ARHGAP8: variants seen among roughly 807,000 people sequenced by gnomAD.
ARHGAP8 encodes the protein rho GTPase-activating protein 8.
A neutral mutation model predicts 46.1 loss-of-function variants in ARHGAP8; 62 were observed. The observed-to-expected ratio is 1.34, with a 90% CI of 1.10 to 1.66. ARHGAP8 has a LOEUF of 1.66. Ranked by LOEUF, ARHGAP8 falls within the 40% of genes most tolerant of loss-of-function variation. ARHGAP8 has a pLI of 0.00. For synonymous variants in ARHGAP8, 375 were observed against 243.1 expected, an observed-to-expected ratio of 1.54 and a Z score of -5.05; for missense variants, 923 against 568.4, an observed-to-expected ratio of 1.62 and a Z score of -6.34.
At chr22:44,786,826 G>T (rs1422380951) in intron 2 of ARHGAP8, among the ~76,000 whole-genome samples, 1 of 152,058 alleles carries the variant, frequency 6.6e-6, no homozygotes, top group Non-Finnish European at 1.5e-5. Context: ...ACCAGCCTGG[G>T]CAATGTAGTG....
At chr22:44,766,595 T>C (rs1320628990) in intron 1 of ARHGAP8, among the ~76,000 whole-genome samples, 3 of 152,074 alleles carry the variant, frequency 2.0e-5, no homozygotes, top group African/African-American at 4.8e-5. Context: ...TGTGTCTCTG[T>C]GTGTAAGATA....
chr22:44,773,953 CACAT>C (rs2147019774), intron 1 of ARHGAP8, among the ~76,000 whole-genome samples: 1 of 152,320 alleles, frequency 6.6e-6, no homozygotes, highest in African/African-American at 2.4e-5. Context: ...GCATACCAGT[CACAT>C]ACCAGGTACC....
At chr22:44,754,786 G>A (rs746856147) in intron 1 of ARHGAP8, among the ~76,000 whole-genome samples, 119 of 152,200 alleles carry the variant, frequency 7.8e-4, no homozygotes, top group Non-Finnish European at 9.7e-4. Flanking sequence ...AGGCGGCTTC[G>A]GTTAAAGAGA....
At chr22:44,845,028 A>T (rs1374711173) in intron 7 of ARHGAP8, among the ~76,000 whole-genome samples, 1 of 152,016 alleles carries the variant, frequency 6.6e-6, no homozygotes, top group Non-Finnish European at 1.5e-5. Context: ...CCCTCCCCAA[A>T]CCCCATGTCT....
intron 10 of ARHGAP8, among the ~76,000 whole-genome samples, chr22:44,857,968 A>AGT (rs1381427699): frequency 1.3e-5 from 2 of 151,982 alleles, no homozygotes; most frequent in South Asian, 4.1e-4. Context: ...GACCTGCACC[A>AGT]GTACCCACTT....
chr22:44,798,648 A>T (rs1036414355), intron 2 of ARHGAP8, among the ~76,000 whole-genome samples: 1 of 151,678 alleles, frequency 6.6e-6, no homozygotes, highest in Admixed American at 6.6e-5. Flanking sequence ...CACCCTCAAG[A>T]TCAGCGCTGC....
rs1268914155 is a variant in ARHGAP8 at position 44,787,932 on chromosome 22, TTTTTTTTTCCC to T, written c.79+1327_79+1337del. Among the ~76,000 whole-genome samples, 39 of 136,580 alleles carry T rather than the reference TTTTTTTTTCCC, an allele frequency of 2.9e-4. 1 individual carries two copies. The highest frequency in any genetic ancestry group is 6.5e-4 in the African/African-American group (23 of 35,484). The allele number at this position is 136,580 out of a possible 152,430, so 89.6% of individuals were successfully genotyped here. A position where few individuals can be genotyped will look rare whatever the true frequency, so the allele number is the denominator to read the frequency against. On this transcript the variant is annotated intron_variant, in intron 2 of 11. Coordinates refer to ENST00000356099, the MANE Select transcript of ARHGAP8 (RefSeq NM_181335.3). ...GCCCCAAATGTCCTTTTTTTTTTTTTTTTTTTTTCCCCCCAAATGTCCTTTTAAGAAAACTT... is the reference window on the plus strand; with the variant it reads ...GCCCCAAATGTCCTTTTTTTTTTTTTCCCAAATGTCCTTTTAAGAAAACTT...
At chr22:44,843,321 G>C (rs994940865) in intron 7 of ARHGAP8, among the ~76,000 whole-genome samples, 1 of 152,202 alleles carries the variant, frequency 6.6e-6, no homozygotes, top group Non-Finnish European at 1.5e-5. Context: ...AATGTTAAGG[G>C]AAGCTCTGCA....
intron 7 of ARHGAP8, 65 bp downstream of exon 7, chr22:44,825,658 G>T: frequency 6.6e-7 from 1 of 1,524,790 alleles, no homozygotes; most frequent in South Asian, 1.2e-5. Context: ...GGGCGCTTCT[G>T]GGTCCAGAAA....
At chr22:44,774,942 T>C (rs1236148395) in intron 1 of ARHGAP8, among the ~76,000 whole-genome samples, 1 of 152,014 alleles carries the variant, frequency 6.6e-6, no homozygotes, top group East Asian at 1.9e-4. Context: ...GTGATTCTCC[T>C]ACCTCAGCCT....
chr22:44,814,204 C>T (rs1929568342), intron 4 of ARHGAP8, among the ~76,000 whole-genome samples: 1 of 152,214 alleles, frequency 6.6e-6, no homozygotes, highest in Non-Finnish European at 1.5e-5. Context: ...GGCTGTATTG[C>T]ATTGAACCGG....
At chr22:44,859,207 C>T (rs988757137) in intron 10 of ARHGAP8, among the ~76,000 whole-genome samples, 3 of 151,992 alleles carry the variant, frequency 2.0e-5, no homozygotes, top group African/African-American at 4.8e-5. Flanking sequence ...GATCTGAGTC[C>T]CCAGCGCGTC....
chr22:44,860,550 C>CAACTT (rs3087005), intron 11 of ARHGAP8, among the ~76,000 whole-genome samples: 130,891 of 151,676 alleles, frequency 0.86, 56,758 homozygotes, highest in Non-Finnish European at 0.91. Context: ...TTGAGATCCT[C>CAACTT]AACGACAGCT....
At chr22:44,831,671 C>T (rs1468308954) in intron 7 of ARHGAP8, among the ~76,000 whole-genome samples, 1 of 152,066 alleles carries the variant, frequency 6.6e-6, no homozygotes, top group Non-Finnish European at 1.5e-5. Flanking sequence ...TACACTCCAG[C>T]CTGGGTGACA....
intron 10 of ARHGAP8, among the ~76,000 whole-genome samples, chr22:44,859,212 C>G (rs556159856): frequency 2.0e-5 from 3 of 152,006 alleles, no homozygotes; most frequent in Non-Finnish European, 2.9e-5. Flanking sequence ...GAGTCCCCAG[C>G]GCGTCTCATG....
rs2070147906 is a variant in ARHGAP8 at position 44,853,573 on chromosome 22, TC to T, written c.877+4514del. 2.0e-5 allele frequency among the ~76,000 whole-genome samples: 3 copies of T among 152,306 alleles called. No homozygotes were observed. The South Asian group carries it at 6.2e-4, about 32-fold the overall frequency. On this transcript the variant is annotated intron_variant, in intron 10 of 11. Transcript: ENST00000356099. ...TCTTGATTCTCAGTTACAAAATAAG[TC>T]TGGTTTCATTAGAATTTGGCCTGAT...
Position 44,807,399 on chromosome 22 carries a change from T to A in ARHGAP8, c.168-908T>A, listed in dbSNP as rs183215319. Among the ~76,000 whole-genome samples the A allele has an allele frequency of 7.9e-5, 12 of 151,434 alleles. No homozygotes were observed. In the East Asian group the frequency reaches 2.3e-3, roughly 29 times the overall value. On this transcript the variant is annotated intron_variant, in intron 3 of 11. Coordinates refer to ENST00000356099, the MANE Select transcript of ARHGAP8 (RefSeq NM_181335.3). Reference sequence around the variant, plus strand: ...TGGGAAATGGGTAGAGCCTACACCATAGGGGGTGGCGGGCGACAGACGCAG... The same window carrying A: ...TGGGAAATGGGTAGAGCCTACACCAAAGGGGGTGGCGGGCGACAGACGCAG...
chr22:44,778,252 C>A (rs1926569693), intron 1 of ARHGAP8, among the ~76,000 whole-genome samples: 1 of 152,124 alleles, frequency 6.6e-6, no homozygotes, highest in African/African-American at 2.4e-5. Flanking sequence ...CATAGCTTAG[C>A]TCCCACTTAT....
intron 11 of ARHGAP8, 69 bp from the exon 12 acceptor site, chr22:44,862,206 G>T (rs150855605): frequency 7.2e-6 from 11 of 1,524,494 alleles, no homozygotes; most frequent in Middle Eastern, 1.8e-4. Context: ...CCCTAAGTTC[G>T]GGAGGGAGTT....
Sources: gnomAD v4.1 joint callset for allele counts (sites outside exome capture counted in the v4.1 genomes callset) on GRCh38, gnomAD v4.1.1 for gene constraint, MANE v1.5 for transcripts, NCBI Gene and HGNC (gene_info 2026-07-23, HGNC 2026-07-21) for gene names.